The following DDX42 variants were observed in gnomAD, a reference collection of about 807,000 sequenced individuals.
DDX42 encodes DEAD-box helicase 42.
In DDX42, 22 loss-of-function variants were observed where a neutral mutation model predicts 101.5. The ratio of observed to expected loss-of-function variants is 0.22; its 90% CI spans 0.15 to 0.31. The LOEUF (loss-of-function observed/expected upper bound fraction) is 0.31. DDX42 is among the 10% of genes least tolerant of loss of function. The pLI is 1.00. For missense variants in DDX42, 849 were observed against 1,199.9 expected (o/e 0.71, Z 4.32); for synonymous variants, 402 against 401.2 (o/e 1.00, Z -0.02).
chr17:63,796,705 T>C (rs2039697270), intron 3 of DDX42, among the ~76,000 whole-genome samples: 1 of 152,252 alleles, frequency 6.6e-6, no homozygotes, highest in Non-Finnish European at 1.5e-5. Flanking sequence ...AAAAAGGATT[T>C]ATGTAGGCTT....
In DDX42 at chr17:63,774,205, G is replaced by A. The variant is rs2039382065; in HGVS notation, c.-188G>A. The A allele has an allele frequency of 3.5e-6, 1 of 288,006 alleles. No homozygotes were observed. The highest frequency in any genetic ancestry group is 6.1e-6 in the Non-Finnish European group (1 of 164,094). 17.8% of individuals were successfully genotyped at this position (288,006 alleles called of 1,614,324 possible). A position where few individuals can be genotyped will look rare whatever the true frequency, so the allele number is the denominator to read the frequency against. ...CCCCTTCAGCAACGGGCCGTGAGGC[G>A]GTGGCGGTGGTGGCGGTGGCGGCGG... On this transcript the variant is annotated 5_prime_UTR_variant, in exon 1 of 18. Coordinates refer to ENST00000389924, the MANE Select transcript of DDX42 (RefSeq NM_203499.3).
intron 12 of DDX42, 31 bp from the exon 13 acceptor site, chr17:63,811,044 GT>G: frequency 3.8e-6 from 6 of 1,584,498 alleles, no homozygotes; most frequent in Non-Finnish European, 5.2e-6. Flanking sequence ...ATATCATATT[GT>G]TTCTCTAACA....
intron 1 of DDX42, among the ~76,000 whole-genome samples, chr17:63,779,214 A>T (rs2039457642): frequency 6.6e-6 from 1 of 152,192 alleles, no homozygotes; most frequent in African/African-American, 2.4e-5. Flanking sequence ...TTTTAAGAGA[A>T]AAAATACAAA....
intron 1 of DDX42, among the ~76,000 whole-genome samples, chr17:63,781,602 CCCTT>C (rs1242075323): frequency 6.6e-6 from 1 of 152,124 alleles, no homozygotes; most frequent in African/African-American, 2.4e-5. Flanking sequence ...TCCTTGTCTC[CCCTT>C]CCTTCTTTCC....
intron 11 of DDX42, 56 bp from the exon 12 acceptor site, chr17:63,810,457 A>G: frequency 6.3e-7 from 1 of 1,575,548 alleles, no homozygotes; most frequent in Non-Finnish European, 8.7e-7. Flanking sequence ...GGCTTTTTCC[A>G]GGCTTCCCAA....
Position 63,818,647 on chromosome 17 carries a change from G to C in DDX42, c.*249G>C, listed in dbSNP as rs2040010603. ...TGGCTCTAGGTGAGTTGTCATGTGG[G>C]TAAGTTGAGGTTATCTTGGGATAAA... On this transcript the variant is annotated 3_prime_UTR_variant, in exon 18 of 18. Coordinates refer to ENST00000389924, the MANE Select transcript of DDX42 (RefSeq NM_203499.3). 3 of 439,742 alleles carry C rather than the reference G, an allele frequency of 6.8e-6. No homozygotes were observed. Among genetic ancestry groups the C allele is most frequent in the Admixed American group, 7.4e-5 (2 of 27,142 alleles). The allele number at this position is 439,742 out of a possible 1,614,324, so 27.2% of individuals were successfully genotyped here. A position where few individuals can be genotyped will look rare whatever the true frequency, so the allele number is the denominator to read the frequency against.
rs1468425937 is a variant in DDX42 at position 63,817,734 on chromosome 17, A to G, written c.2153A>G (p.Asn718Ser). ...CACTTTGTTGCAGCCAGTTTAAGTAATCAGAAGGCTGGAAGTTCTGCTGCT... is the reference window on the plus strand; with the variant it reads ...CACTTTGTTGCAGCCAGTTTAAGTAGTCAGAAGGCTGGAAGTTCTGCTGCT... Reference protein sequence around the residue: ...KSHFVAASLSNQKAGSSAAGA... With the variant: ...KSHFVAASLSSQKAGSSAAGA... The change falls in exon 18 of 18, where the codon AAT becomes AGT. Residue 718 changes from asparagine to serine, a missense_variant. Physicochemically the swap from Asn to Ser is conservative, Grantham distance 46. Coordinates refer to ENST00000389924, the MANE Select transcript of DDX42 (RefSeq NM_203499.3). 2 of 1,614,232 alleles carry G rather than the reference A, an allele frequency of 1.2e-6. No homozygotes were observed. The highest frequency in any genetic ancestry group is 1.7e-5 in the Admixed American group (1 of 60,024).
rs1289083550 is a variant in DDX42, at chr17:63,784,825, T to C, written c.-16-2209T>C. Reference sequence around the variant, plus strand: ...ATGCATTTTCCTTTGAGCAGTTGCATTTTAAAACTTGTTCCTAAGGAAATA... The same window carrying C: ...ATGCATTTTCCTTTGAGCAGTTGCACTTTAAAACTTGTTCCTAAGGAAATA... On this transcript the variant is annotated intron_variant, in intron 1 of 17. Coordinates refer to ENST00000389924, the MANE Select transcript of DDX42 (RefSeq NM_203499.3). Among the ~76,000 whole-genome samples the C allele has an allele frequency of 2.6e-5, 4 of 152,152 alleles. No individual in the cohort carries two copies. In the East Asian group the frequency reaches 7.7e-4, roughly 29 times the overall value.
chr17:63,817,462 GGCTATAAAA>G, intron 17 of DDX42: 1 of 502,166 alleles, frequency 2.0e-6, no homozygotes, highest in Non-Finnish European at 3.5e-6. Flanking sequence ...TAGCCAATCA[GGCTATAAAA>G]GTACATTTCA....
intron 1 of DDX42, among the ~76,000 whole-genome samples, chr17:63,782,147 G>A (rs2039496123): frequency 6.6e-6 from 1 of 151,432 alleles, no homozygotes; most frequent in African/African-American, 2.4e-5. Flanking sequence ...GCACGGTGGT[G>A]CGTGCTTGTA....
At chr17:63,808,504 T>C (rs139358569) in intron 9 of DDX42, among the ~76,000 whole-genome samples, 98 of 152,184 alleles carry the variant, frequency 6.4e-4, no homozygotes, top group African/African-American at 2.2e-3. Flanking sequence ...GAAAAGCCTA[T>C]TGTGATATGG....
At chr17:63,810,935 G>A (rs1056851721) in intron 12 of DDX42, 141 bp from the exon 13 acceptor site, 3 of 661,952 alleles carry the variant, frequency 4.5e-6, no homozygotes, top group South Asian at 4.1e-5. Context: ...TCTTTCCCTA[G>A]TGAATCAGTT....
chr17:63,811,784 T>G, intron 13 of DDX42, 148 bp from the exon 14 acceptor site: 4 of 987,746 alleles, frequency 4.0e-6, no homozygotes, highest in Non-Finnish European at 6.1e-6. Flanking sequence ...AGGTGAGTTT[T>G]GAGCTGCACT....
Position 63,811,083 on chromosome 17 carries a change from A to C in DDX42, c.1308A>C (p.Leu436Phe). The change falls in exon 13 of 18, where the codon TTA becomes TTC. Residue 436 changes from leucine to phenylalanine, a missense_variant. Leu to Phe is a conservative substitution (Grantham distance 22). Around this residue, in one of 5 missense-constraint regions of DDX42, gnomAD observed 370 missense variants for 608.8 expected, o/e 0.61. Transcript: ENST00000389924. The stretch of plus-strand genomic sequence containing the variant: ...ATTTATCTTACCTTTTAGCTCTCTT[A>C]TTTAGTGCAACTTTTCGGAAGAAGA... ...SHVRPDRQTL[L>F]FSATFRKKIE... is the part of the protein sequence containing the mutation. 1 of 1,613,830 alleles carries C rather than the reference A, an allele frequency of 6.2e-7. No individual in the cohort carries two copies.
At chr17:63,780,438 A>T (rs2039474502) in intron 1 of DDX42, among the ~76,000 whole-genome samples, 1 of 152,214 alleles carries the variant, frequency 6.6e-6, no homozygotes, top group South Asian at 2.1e-4. Context: ...TAGAGTTTTC[A>T]TAAATACTGG....
intron 14 of DDX42, among the ~76,000 whole-genome samples, chr17:63,812,471 G>T (rs1398394566): frequency 1.3e-5 from 2 of 152,160 alleles, no homozygotes; most frequent in Non-Finnish European, 1.5e-5. Context: ...GGCAGTGAAT[G>T]CCCTTATTGT....
chr17:63,813,154 A>G (rs1390201232), intron 14 of DDX42, 74 bp from the exon 15 acceptor site: 38 of 1,377,554 alleles, frequency 2.8e-5, no homozygotes, highest in Non-Finnish European at 3.7e-5. Context: ...GCTTATTAGC[A>G]CTAGCATTTC....
At chr17:63,780,104 C>T (rs1282911248) in intron 1 of DDX42, among the ~76,000 whole-genome samples, 2 of 152,140 alleles carry the variant, frequency 1.3e-5, no homozygotes, top group Non-Finnish European at 2.9e-5. Context: ...TGAGACCAGC[C>T]TGACCAACAT....
chr17:63,805,366 T>A, intron 7 of DDX42, 191 bp downstream of exon 7: 1 of 645,136 alleles, frequency 1.6e-6, no homozygotes, highest in African/African-American at 1.9e-5. Context: ...AGATGCTGTT[T>A]TAGGATAGGA....
Sources: gnomAD v4.1 joint callset for allele counts (sites outside exome capture counted in the v4.1 genomes callset) on GRCh38, gnomAD v4.1.1 for gene constraint, gnomAD v4.1.1 regional missense constraint, MANE v1.5 for transcripts, NCBI Gene and HGNC (gene_info 2026-07-23, HGNC 2026-07-21) for gene names.